The following CACNA2D4 variants were observed in gnomAD, a reference collection of about 807,000 sequenced individuals.
CACNA2D4 encodes the protein voltage-dependent calcium channel subunit alpha-2/delta-4.
Under a neutral mutation model 163.8 loss-of-function variants are expected in CACNA2D4, and 157 were observed. The observed-to-expected ratio is 0.96, with a 90% CI of 0.84 to 1.09. The LOEUF (loss-of-function observed/expected upper bound fraction) is 1.09. Among genes scored for constraint, CACNA2D4 ranks in the 50% least tolerant of loss-of-function variants. The pLI is 0.00. For missense variants in CACNA2D4, 1,410 were observed against 1,479.9 expected (o/e 0.95, Z 0.78); for synonymous variants, 598 against 586.9 (o/e 1.02, Z -0.27).
At position 1,875,508 on chromosome 12, in the gene CACNA2D4, C is replaced by T. The variant is rs1367059532; in HGVS notation, c.1720-171G>A. Among the ~76,000 whole-genome samples the T allele has an allele frequency of 6.6e-6, 1 of 152,178 alleles. No homozygotes were observed. The highest frequency in any genetic ancestry group is 6.5e-5 in the Admixed American group (1 of 15,274). ...TGGGCAAATTCCACCTGATACAGAG[C>T]TCCCCTTACTGACATCTATGACAGA... On this transcript the variant is annotated intron_variant, in intron 16 of 37. Coordinates refer to ENST00000382722, the MANE Select transcript of CACNA2D4 (RefSeq NM_172364.5). The surrounding 1 kb of genome is among the most constrained non-coding windows in gnomAD (Gnocchi z 4.0).
chr12:1,907,903 C>T lies in CACNA2D4; in HGVS notation c.621G>A (p.Val207=). The T allele has an allele frequency of 5.0e-6, 8 of 1,614,056 alleles. No individual in the cohort carries two copies. Among genetic ancestry groups the T allele is most frequent in the Non-Finnish European group, 6.8e-6 (8 of 1,179,900 alleles). Residue 207 remains valine, a synonymous_variant, in exon 5 of 38, where the codon GTG becomes GTA. Transcript: ENST00000382722. ...TGTTGTACACGTTGGTGGGCAGCTG[C>T]ACGCTGCTGATGGAGGTGTTCACCG... ...NLPVNTSISS[V]QLPTNVYNKD... is the part of the protein sequence containing the mutation.
rs1050848722 is a variant in CACNA2D4 at position 1,828,802 on chromosome 12, C to T, written c.2551+11937G>A. Reference sequence around the variant, plus strand: ...CCTCCTGCATATAGGCAGACTGAGCCGTCCATTTACCAAAAAGGGGAGGAA... The same window carrying T: ...CCTCCTGCATATAGGCAGACTGAGCTGTCCATTTACCAAAAAGGGGAGGAA... On this transcript the variant is annotated intron_variant, in intron 26 of 37. Coordinates refer to ENST00000382722, the MANE Select transcript of CACNA2D4 (RefSeq NM_172364.5). This position sits in a 1 kb window ranked among gnomAD's most constrained non-coding sequence, Gnocchi z 4.2. Among the ~76,000 whole-genome samples, 6 of 152,130 alleles carry T rather than the reference C, an allele frequency of 3.9e-5. No homozygotes were observed. Among genetic ancestry groups the T allele is most frequent in the African/African-American group, 1.2e-4 (5 of 41,438 alleles).
At chr12:1,889,716 G>A (rs928855882) in intron 6 of CACNA2D4, among the ~76,000 whole-genome samples, 2 of 151,988 alleles carry the variant, frequency 1.3e-5, no homozygotes, top group African/African-American at 2.4e-5. Flanking sequence ...AAGTTCTAAA[G>A]TGCTAGAGAG....
chr12:1,907,717 G>T, intron 5 of CACNA2D4, 146 bp from the exon 6 acceptor site: 4 of 1,177,838 alleles, frequency 3.4e-6, no homozygotes, highest in Admixed American at 2.0e-5. Context: ...GTGTCTGGTG[G>T]ACGGCCTGGT....
At chr12:1,913,754 C>A (rs1866891497) in intron 2 of CACNA2D4, among the ~76,000 whole-genome samples, 1 of 152,230 alleles carries the variant, frequency 6.6e-6, no homozygotes, top group African/African-American at 2.4e-5. Context: ...GACCAGCTCT[C>A]ACTGACTGTG....
intron 27 of CACNA2D4, 90 bp downstream of exon 27, chr12:1,811,572 G>A: frequency 1.5e-6 from 2 of 1,317,306 alleles, no homozygotes; most frequent in South Asian, 2.5e-5. Context: ...CCTCAAGGCA[G>A]TGGAGCATCC....
chr12:1,803,851 A>G (rs964672877), intron 29 of CACNA2D4, among the ~76,000 whole-genome samples: 1 of 152,242 alleles, frequency 6.6e-6, no homozygotes, highest in African/African-American at 2.4e-5. Flanking sequence ...ACAAACTCTC[A>G]GACATGGCTG....
chr12:1,900,749 A>T (rs1413325361), intron 6 of CACNA2D4, among the ~76,000 whole-genome samples: 1 of 152,184 alleles, frequency 6.6e-6, no homozygotes, highest in Non-Finnish European at 1.5e-5. Flanking sequence ...CCAATACATA[A>T]CAGCTGGAGA....
At chr12:1,823,596 C>T (rs769209130) in intron 26 of CACNA2D4, among the ~76,000 whole-genome samples, 3 of 151,948 alleles carry the variant, frequency 2.0e-5, no homozygotes, top group Non-Finnish European at 4.4e-5. Flanking sequence ...AACAGAGCTC[C>T]GGCCTACTCC....
chr12:1,891,040 T>C (rs1866269321), intron 6 of CACNA2D4, among the ~76,000 whole-genome samples: 1 of 152,172 alleles, frequency 6.6e-6, no homozygotes, highest in Non-Finnish European at 1.5e-5. Context: ...CCACACCCAC[T>C]TCTCTGGGGA....
At chr12:1,914,003 G>A (rs1031222420) in intron 2 of CACNA2D4, among the ~76,000 whole-genome samples, 9 of 152,228 alleles carry the variant, frequency 5.9e-5, no homozygotes. Flanking sequence ...AGGGGCAGGC[G>A]GGGCCTCAGC....
intron 37 of CACNA2D4, 39 bp from the exon 38 acceptor site, chr12:1,793,798 A>G (rs370847053): frequency 1.2e-4 from 191 of 1,549,516 alleles, no homozygotes; most frequent in Non-Finnish European, 1.7e-4. Flanking sequence ...CGGCGCTCAG[A>G]GGAGGACCCT....
At position 1,799,982 on chromosome 12, in the gene CACNA2D4, G is replaced by C. The variant is rs2154445231; in HGVS notation, c.2974+18C>G. 6.3e-7 allele frequency: 1 copy of C among 1,598,360 alleles called. No homozygotes were observed. The highest frequency in any genetic ancestry group is 8.5e-7 in the Non-Finnish European group (1 of 1,172,604). On this transcript the variant is annotated intron_variant, in intron 33 of 37. Coordinates refer to ENST00000382722, the MANE Select transcript of CACNA2D4 (RefSeq NM_172364.5). This position sits in a 1 kb window ranked among gnomAD's most constrained non-coding sequence, Gnocchi z 4.7. ...CCACTGCTCTTCAGCACATGGCCCT[G>C]CAGCTCCGTGCACTCACCCTCGGCC...
In CACNA2D4 at chr12:1,883,048, G is replaced by A. The variant is rs1413141257; in HGVS notation, c.1352-48C>T. 3 of 1,580,472 alleles carry A rather than the reference G, an allele frequency of 1.9e-6. No individual in the cohort carries two copies. The highest frequency in any genetic ancestry group is 2.6e-6 in the Non-Finnish European group (3 of 1,162,694). ...GGTGTGGAAGGCAGGGCTTCCCTGG[G>A]AACCCCTCGCCAGGGCCTGCACCCT... On this transcript the variant is annotated intron_variant, in intron 12 of 37. Coordinates refer to ENST00000382722, the MANE Select transcript of CACNA2D4 (RefSeq NM_172364.5). The surrounding 1 kb of genome is among the most constrained non-coding windows in gnomAD (Gnocchi z 4.5).
chr12:1,909,842 A>ACC lies in CACNA2D4; in HGVS notation c.486+62_486+63dup, dbSNP rs1305615635. On this transcript the variant is annotated intron_variant, in intron 4 of 37. Transcript: ENST00000382722. Reference sequence around the variant, plus strand: ...CCCTACGCCGCCACCCTATGCCGCCACCCCCATATCTGGTACTCAGGCGAT... The same window carrying ACC: ...CCCTACGCCGCCACCCTATGCCGCCACCCCCCCATATCTGGTACTCAGGCGAT... 1.6e-5 allele frequency: 23 copies of ACC among 1,443,076 alleles called. No homozygotes were observed. The East Asian group carries it at 5.0e-4, about 32-fold the overall frequency. The allele number at this position is 1,443,076 out of a possible 1,614,324, so 89.4% of individuals were successfully genotyped here.
intron 1 of CACNA2D4, chr12:1,915,310 C>A: frequency 1.4e-6 from 1 of 700,776 alleles, no homozygotes; most frequent in Non-Finnish European, 2.6e-6. Context: ...GGTTCTCCTG[C>A]TGAGGGTTGT....
rs1286785690 is a variant in CACNA2D4 at position 1,806,191 on chromosome 12, G to A, written c.2721+4087C>T. Among the ~76,000 whole-genome samples the A allele has an allele frequency of 1.3e-5, 2 of 152,146 alleles. No individual in the cohort carries two copies. The highest frequency in any genetic ancestry group is 2.9e-5 in the Non-Finnish European group (2 of 68,020). On this transcript the variant is annotated intron_variant, in intron 29 of 37. Transcript: ENST00000382722. This position sits in a 1 kb window ranked among gnomAD's most constrained non-coding sequence, Gnocchi z 4.1. ...CGCCCAGAAGCAAATGACAGGAATC[G>A]GAGTCCCCAGATTCAGGGTGACAGA...
intron 23 of CACNA2D4, among the ~76,000 whole-genome samples, chr12:1,848,480 G>A (rs1317887440): frequency 1.3e-5 from 2 of 152,188 alleles, no homozygotes; most frequent in East Asian, 3.8e-4. Flanking sequence ...CACTCTGACT[G>A]ATTAGGGCAT....
intron 30 of CACNA2D4, 47 bp downstream of exon 30, chr12:1,801,527 C>G (rs757410335): frequency 7.1e-7 from 1 of 1,410,182 alleles, no homozygotes; most frequent in Non-Finnish European, 9.8e-7. Flanking sequence ...CGTCAGCTCT[C>G]GGTTTGCTGT....
Sources: allele counts gnomAD v4.1 joint callset (sites outside exome capture counted in the v4.1 genomes callset), GRCh38; gene constraint gnomAD v4.1.1; non-coding constraint Gnocchi (gnomAD v3.1); transcripts MANE v1.5; gene names NCBI Gene and HGNC (gene_info 2026-07-23, HGNC 2026-07-21).